Variants in DYM observed in about 807,000 individuals in gnomAD.
DYM encodes the protein dymeclin.
Under a neutral mutation model 93.1 loss-of-function variants are expected in DYM, and 78 were observed. That is an observed-to-expected ratio of 0.84 (90% CI 0.70 to 1.01). DYM has a LOEUF of 1.01. Among genes scored for constraint, DYM ranks in the 50% least tolerant of loss-of-function variants. DYM has a pLI of 0.00. For missense variants in DYM, 789 were observed against 845.0 expected (o/e 0.93, Z 0.82); for synonymous variants, 321 against 319.7 (o/e 1.00, Z -0.04).
intron 17 of DYM, among the ~76,000 whole-genome samples, chr18:49,068,459 C>T (rs2076640406): frequency 6.6e-6 from 1 of 152,196 alleles, no homozygotes; most frequent in Non-Finnish European, 1.5e-5. Context: ...TCCCACAAAT[C>T]CTAAGGCTTA....
intron 15 of DYM, chr18:49,126,070 G>C (rs2082790465): frequency 6.6e-6 from 1 of 152,150 alleles, no homozygotes; most frequent in Non-Finnish European, 1.5e-5. Context: ...AGATACATAA[G>C]TATTTATACA....
chr18:49,098,758 G>C (rs954354547), intron 16 of DYM, among the ~76,000 whole-genome samples: 2 of 152,118 alleles, frequency 1.3e-5, no homozygotes. Context: ...TTGAGTTTCT[G>C]GGATTAATAT....
rs184306149 is a variant in DYM, at chr18:49,434,117, G to A, written c.-53-3670C>T. On this transcript the variant is annotated intron_variant, in intron 1 of 17. Transcript: ENST00000675505. ...TCCCAACACTTTGGGAGGCCAAGAC[G>A]GGCAGACCGTGAGGTCAGGAGATCG... 2.2e-3 allele frequency among the ~76,000 whole-genome samples: 333 copies of A among 152,160 alleles called. 6 individuals are homozygous for A. Among genetic ancestry groups the A allele is most frequent in the Admixed American group, 0.021 (325 of 15,280 alleles).
At chr18:49,378,477 G>C in intron 5 of DYM, 90 bp downstream of exon 5, 1 of 1,262,706 alleles carries the variant, frequency 7.9e-7, no homozygotes, top group Non-Finnish European at 1.1e-6. Flanking sequence ...AGGATAACTG[G>C]AATTTTCAAA....
chr18:49,085,606 C>CT (rs11437833), intron 17 of DYM, among the ~76,000 whole-genome samples: 6,097 of 102,064 alleles, frequency 0.06, 521 homozygotes, highest in African/African-American at 0.15. Context: ...ACAACTGGTC[C>CT]TTTTTTTTTT....
intron 14 of DYM, among the ~76,000 whole-genome samples, chr18:49,167,159 T>C (rs1000063821): frequency 1.3e-5 from 2 of 152,108 alleles, no homozygotes; most frequent in African/African-American, 2.4e-5. Context: ...CACTTGAAAC[T>C]GTTTCTTTTA....
At chr18:49,085,583 C>G (rs1434762171) in intron 17 of DYM, among the ~76,000 whole-genome samples, 2 of 145,128 alleles carry the variant, frequency 1.4e-5, no homozygotes, top group African/African-American at 2.5e-5. Context: ...AAAATTGAGG[C>G]AGATGAATAA....
At chr18:49,242,783 T>C (rs1389886680) in intron 13 of DYM, among the ~76,000 whole-genome samples, 1 of 152,166 alleles carries the variant, frequency 6.6e-6, no homozygotes, top group East Asian at 1.9e-4. Flanking sequence ...CACTGCAAGC[T>C]CCGCCTCTGG....
chr18:49,087,618 C>T (rs1165565996), intron 17 of DYM, among the ~76,000 whole-genome samples: 1 of 152,144 alleles, frequency 6.6e-6, no homozygotes, highest in Non-Finnish European at 1.5e-5. Context: ...ATTTATAATG[C>T]TTTGGGTATA....
At position 49,220,810 on chromosome 18, in the gene DYM, A is replaced by G. The variant is rs1027779612; in HGVS notation, c.1461-11095T>C. Among the ~76,000 whole-genome samples the G allele has an allele frequency of 1.5e-4, 23 of 152,348 alleles. No individual in the cohort carries two copies. The South Asian group carries it at 4.1e-3, about 27-fold the overall frequency. ...CTAAAACCATAAAAACCCTAGAAGA[A>G]AACCTAGGCAATACCATTCAGGACA... On this transcript the variant is annotated intron_variant, in intron 13 of 17. Coordinates refer to ENST00000675505, the MANE Select transcript of DYM (RefSeq NM_001353214.3).
At chr18:49,365,986 A>G in intron 5 of DYM, among the ~76,000 whole-genome samples, 1 of 152,312 alleles carries the variant, frequency 6.6e-6, no homozygotes, top group South Asian at 2.1e-4. Flanking sequence ...TGATAAACAT[A>G]TTTCATAGAA....
intron 15 of DYM, among the ~76,000 whole-genome samples, chr18:49,148,083 T>C (rs920022674): frequency 6.6e-6 from 1 of 152,102 alleles, no homozygotes; most frequent in Admixed American, 6.5e-5. Flanking sequence ...CTCAGCAAAC[T>C]ATCGCAAGGA....
intron 14 of DYM, among the ~76,000 whole-genome samples, chr18:49,183,967 A>G (rs1600419973): frequency 6.6e-6 from 1 of 152,182 alleles, no homozygotes; most frequent in Non-Finnish European, 1.5e-5. Flanking sequence ...CTGCAGCCCA[A>G]GGGGAGGGCC....
intron 16 of DYM, among the ~76,000 whole-genome samples, chr18:49,101,863 T>C (rs911067928): frequency 1.3e-5 from 2 of 152,168 alleles, no homozygotes; most frequent in Non-Finnish European, 2.9e-5. Flanking sequence ...ATTTGTGAGA[T>C]AAGACAGATC....
chr18:49,408,046 A>C (rs1399224932), intron 2 of DYM, among the ~76,000 whole-genome samples: 1 of 144,608 alleles, frequency 6.9e-6, no homozygotes, highest in Non-Finnish European at 1.5e-5. Flanking sequence ...CCTGGGCAAC[A>C]TAGCAAGACC....
At chr18:49,389,932 T>G (rs914501824) in intron 3 of DYM, among the ~76,000 whole-genome samples, 3 of 152,184 alleles carry the variant, frequency 2.0e-5, no homozygotes, top group Admixed American at 1.3e-4. Context: ...AAACCCAAAG[T>G]CACCTTAAAA....
At position 49,379,739 on chromosome 18, in the gene DYM, T is replaced by C. The variant is rs892538062; in HGVS notation, c.213A>G (p.Thr71=). 1.2e-6 allele frequency: 2 copies of C among 1,613,164 alleles called. No individual in the cohort carries two copies. Among genetic ancestry groups the C allele is most frequent in the Non-Finnish European group, 1.7e-6 (2 of 1,179,456 alleles). The change falls in exon 4 of 18, where the codon ACA becomes ACG. Residue 71 remains threonine (T), a synonymous_variant. Coordinates refer to ENST00000675505, the MANE Select transcript of DYM (RefSeq NM_001353214.3). ...CRSLVENNPR[T]GNLGALIKVF... Reference sequence around the variant, plus strand: ...CCTTAATTAGTGCACCAAGATTTCCTGTTCGAGGATTGTTTTCAACTGCAA... The same window carrying C: ...CCTTAATTAGTGCACCAAGATTTCCCGTTCGAGGATTGTTTTCAACTGCAA...
chr18:49,379,379 G>C (rs181158553), intron 4 of DYM, among the ~76,000 whole-genome samples: 1 of 152,070 alleles, frequency 6.6e-6, no homozygotes, highest in Non-Finnish European at 1.5e-5. Flanking sequence ...AGTGATAATG[G>C]GGGGGAGGGG....
chr18:49,268,048 AATT>A (rs1423825317), intron 11 of DYM, among the ~76,000 whole-genome samples: 4 of 152,234 alleles, frequency 2.6e-5, no homozygotes, highest in African/African-American at 9.6e-5. Context: ...GTGAATCTAC[AATT>A]ATTTCAAAAT....
Sources: gnomAD v4.1 joint callset for allele counts (sites outside exome capture counted in the v4.1 genomes callset) on GRCh38, gnomAD v4.1.1 for gene constraint, MANE v1.5 for transcripts, NCBI Gene and HGNC (gene_info 2026-07-23, HGNC 2026-07-21) for gene names.